The following MTRF1 variants were observed in gnomAD, a reference collection of about 807,000 sequenced individuals.
MTRF1 encodes peptide chain release factor 1, mitochondrial.
Under a neutral mutation model 62.9 loss-of-function variants are expected in MTRF1, and 51 were observed. The observed-to-expected ratio is 0.81, with a 90% CI of 0.65 to 1.02. The LOEUF is 1.02. Among genes scored for constraint, MTRF1 ranks in the 50% least tolerant of loss-of-function variants. The pLI is 0.00. For missense variants in MTRF1, 446 were observed against 530.0 expected, an observed-to-expected ratio of 0.84 and a Z score of 1.56; for synonymous variants, 158 against 181.9, an observed-to-expected ratio of 0.87 and a Z score of 1.06.
chr13:41,284,528 A>T, the MTRF1 span, among the ~76,000 whole-genome samples: 1 of 150,186 alleles, frequency 6.7e-6, no homozygotes, highest in Non-Finnish European at 1.5e-5. Context: ...TGGGTGACAC[A>T]GTGAGACCGT....
chr13:41,238,846 C>T (rs1025996700), intron 6 of MTRF1, among the ~76,000 whole-genome samples: 2 of 152,052 alleles, frequency 1.3e-5, no homozygotes, highest in African/African-American at 2.4e-5. Flanking sequence ...GAAGTATTCT[C>T]GCTCAAAATG....
chr13:41,302,575 G>A, the MTRF1 span, among the ~76,000 whole-genome samples: 3 of 151,704 alleles, frequency 2.0e-5, no homozygotes, highest in South Asian at 6.3e-4. Context: ...TGTCACCCAG[G>A]CTGGAGTGCA....
At chr13:41,259,587 A>G (rs1462995332) in intron 2 of MTRF1, among the ~76,000 whole-genome samples, 1 of 151,672 alleles carries the variant, frequency 6.6e-6, no homozygotes, top group East Asian at 1.9e-4. Flanking sequence ...CTGTAGTCCC[A>G]GCTACTTGGG....
intron 2 of MTRF1, among the ~76,000 whole-genome samples, chr13:41,257,376 A>G (rs1030102941): frequency 1.3e-5 from 2 of 152,152 alleles, no homozygotes; most frequent in Non-Finnish European, 2.9e-5. Flanking sequence ...TGTAATGAAG[A>G]TATAAATTAG....
chr13:41,276,054 G>A, the MTRF1 span, among the ~76,000 whole-genome samples: 1 of 152,040 alleles, frequency 6.6e-6, no homozygotes, highest in South Asian at 2.1e-4. Context: ...TGGCTTAAAG[G>A]CAGTTTACAT....
the MTRF1 span, among the ~76,000 whole-genome samples, chr13:41,274,839 T>C: frequency 2.3e-3 from 344 of 152,174 alleles, 1 homozygote; most frequent in African/African-American, 8.0e-3. Flanking sequence ...TTTCACCATT[T>C]TGACCTCAAG....
the MTRF1 span, among the ~76,000 whole-genome samples, chr13:41,287,028 G>C: frequency 3.3e-5 from 5 of 152,278 alleles, no homozygotes; most frequent in South Asian, 8.3e-4. Context: ...ATAGTTTAAT[G>C]CTTAGTGTTC....
the MTRF1 span, among the ~76,000 whole-genome samples, chr13:41,304,206 A>T: frequency 6.6e-6 from 1 of 152,200 alleles, no homozygotes; most frequent in African/African-American, 2.4e-5. Flanking sequence ...GAGATTAAGG[A>T]CCTTGTGGAC....
chr13:41,241,588 C>A (rs748009124), intron 5 of MTRF1, among the ~76,000 whole-genome samples: 1 of 152,148 alleles, frequency 6.6e-6, no homozygotes, highest in Non-Finnish European at 1.5e-5. Flanking sequence ...ATTACCTAAA[C>A]GTGTAGCCCT....
At chr13:41,283,732 G>A in the MTRF1 span, among the ~76,000 whole-genome samples, 2 of 150,280 alleles carry the variant, frequency 1.3e-5, no homozygotes, top group Non-Finnish European at 3.0e-5. Flanking sequence ...TGGGACCACA[G>A]GCGCCCGCCA....
At chr13:41,304,924 T>C in the MTRF1 span, among the ~76,000 whole-genome samples, 1 of 152,234 alleles carries the variant, frequency 6.6e-6, no homozygotes, top group Non-Finnish European at 1.5e-5. Flanking sequence ...AGGATTTATC[T>C]TGAAGGACTG....
chr13:41,285,976 A>G, the MTRF1 span, among the ~76,000 whole-genome samples: 1 of 151,806 alleles, frequency 6.6e-6, no homozygotes, highest in Non-Finnish European at 1.5e-5. Flanking sequence ...AGGCAGGAGA[A>G]TCACTTGAAC....
intron 2 of MTRF1, 135 bp downstream of exon 2, chr13:41,260,358 G>GAA: frequency 9.3e-5 from 76 of 818,276 alleles, no homozygotes; most frequent in Non-Finnish European, 1.2e-4. Context: ...GCTTCTGTGG[G>GAA]AAAAAAAAAA....
At chr13:41,272,269 CCTT>C in the MTRF1 span, among the ~76,000 whole-genome samples, 3 of 152,028 alleles carry the variant, frequency 2.0e-5, no homozygotes, top group African/African-American at 7.2e-5. Context: ...TCATTAAAAG[CCTT>C]CTTTAGATTT....
the MTRF1 span, among the ~76,000 whole-genome samples, chr13:41,289,117 A>G: frequency 3.0e-4 from 45 of 152,280 alleles, no homozygotes; most frequent in Admixed American, 6.5e-4. Context: ...GTGCCTCATG[A>G]GTTAAGCAAA....
the MTRF1 span, among the ~76,000 whole-genome samples, chr13:41,273,124 A>C: frequency 1.3e-5 from 2 of 152,020 alleles, no homozygotes; most frequent in Non-Finnish European, 2.9e-5. Flanking sequence ...CAGGAGATCG[A>C]GACCATCCTA....
At chr13:41,243,052 C>T (rs1217306902) in intron 5 of MTRF1, among the ~76,000 whole-genome samples, 1 of 151,976 alleles carries the variant, frequency 6.6e-6, no homozygotes, top group Non-Finnish European at 1.5e-5. Flanking sequence ...AACCATGTCT[C>T]TACTAAAAAT....
intron 6 of MTRF1, 138 bp from the exon 7 acceptor site, chr13:41,234,145 G>C (rs1430345733): frequency 2.9e-6 from 2 of 695,310 alleles, no homozygotes; most frequent in Non-Finnish European, 4.9e-6. Context: ...TTATACCAAA[G>C]AAAGAGCAAT....
rs556051485 is a variant in MTRF1 at position 41,258,521 on chromosome 13, A to G, written c.415+1972T>C. ...CAGCTACTCAGAAGGCTGAGGCAGG[A>G]GGATTGTTTGAGCCCCGGAGTTTGA... On this transcript the variant is annotated intron_variant, in intron 2 of 9. Transcript: ENST00000379480. 2.0e-5 allele frequency among the ~76,000 whole-genome samples: 3 copies of G among 150,966 alleles called. No homozygotes were observed. The South Asian group carries it at 6.3e-4, about 32-fold the overall frequency.
Sources: gnomAD v4.1 joint callset for allele counts (sites outside exome capture counted in the v4.1 genomes callset) on GRCh38, gnomAD v4.1.1 for gene constraint, MANE v1.5 for transcripts, NCBI Gene and HGNC (gene_info 2026-07-23, HGNC 2026-07-21) for gene names.